The following MAP4K4 variants were observed in gnomAD, a reference collection of about 807,000 sequenced individuals.
MAP4K4 encodes mitogen-activated protein kinase kinase kinase kinase 4.
In MAP4K4, 38 loss-of-function variants were observed where a neutral mutation model predicts 189.6. The ratio of observed to expected loss-of-function variants is 0.20; its 90% CI spans 0.15 to 0.26. The LOEUF is 0.26. MAP4K4 is among the 10% of genes least tolerant of loss of function. The pLI is 1.00. For synonymous variants in MAP4K4, 610 were observed against 624.3 expected (o/e 0.98, Z 0.34); for missense variants, 1,054 against 1,726.9 (o/e 0.61, Z 6.91).
At chr2:101,738,599 A>G (rs182424196) in intron 2 of MAP4K4, among the ~76,000 whole-genome samples, 1 of 152,218 alleles carries the variant, frequency 6.6e-6, no homozygotes, top group East Asian at 1.9e-4. Context: ...TTTTTGGCCC[A>G]GTGATTTTTT....
intron 2 of MAP4K4, among the ~76,000 whole-genome samples, chr2:101,704,355 C>G (rs1306447335): frequency 6.6e-6 from 1 of 151,844 alleles, no homozygotes; most frequent in African/African-American, 2.4e-5. Context: ...AACTGTTTTA[C>G]TAACTCAAAC....
At chr2:101,751,420 T>A (rs552619668) in intron 2 of MAP4K4, among the ~76,000 whole-genome samples, 15 of 152,312 alleles carry the variant, frequency 9.8e-5, no homozygotes, top group African/African-American at 3.6e-4. Flanking sequence ...CAGCTTGTGG[T>A]TGGGAACACA....
chr2:101,857,368 A>T (rs1411981863), intron 13 of MAP4K4, among the ~76,000 whole-genome samples: 1 of 152,102 alleles, frequency 6.6e-6, no homozygotes, highest in Admixed American at 6.6e-5. Context: ...GTTTGTGTAG[A>T]TGCGTGTTGT....
intron 2 of MAP4K4, among the ~76,000 whole-genome samples, chr2:101,777,206 C>G (rs567539409): frequency 1.3e-5 from 2 of 152,322 alleles, no homozygotes; most frequent in East Asian, 3.9e-4. Context: ...ATGGCCCTTT[C>G]TCTATAATCC....
intron 2 of MAP4K4, among the ~76,000 whole-genome samples, chr2:101,757,832 C>T (rs1575003970): frequency 6.6e-6 from 1 of 152,132 alleles, no homozygotes; most frequent in Non-Finnish European, 1.5e-5. Context: ...CCAACCTGAC[C>T]AACATGGTGA....
chr2:101,707,427 T>A (rs1463364872), intron 2 of MAP4K4, among the ~76,000 whole-genome samples: 1 of 152,084 alleles, frequency 6.6e-6, no homozygotes. Context: ...CAGGCTGTTA[T>A]CGAACTCCTG....
chr2:101,703,846 A>G (rs112161923), intron 2 of MAP4K4, among the ~76,000 whole-genome samples: 12,080 of 151,674 alleles, frequency 0.08, 530 homozygotes, highest in Middle Eastern at 0.13. Context: ...CCCCATCTCT[A>G]CTAAAAATAG....
chr2:101,801,223 T>G (rs1337887963), intron 3 of MAP4K4, among the ~76,000 whole-genome samples: 2 of 152,120 alleles, frequency 1.3e-5, no homozygotes, highest in African/African-American at 4.8e-5. Context: ...GAAAAGAATG[T>G]TGTGTTGGAG....
chr2:101,892,744 TAAACCAA>T, exon 33 of MAP4K4: 1 of 373,396 alleles, frequency 2.7e-6, no homozygotes, highest in Non-Finnish European at 5.4e-6. Context: ...TCTGTTTTTT[TAAACCAA>T]TTTTACTTTA....
chr2:101,789,727 G>GT (rs1255822533), intron 2 of MAP4K4, among the ~76,000 whole-genome samples: 4 of 152,206 alleles, frequency 2.6e-5, no homozygotes, highest in African/African-American at 9.6e-5. Context: ...TCACAAAGTT[G>GT]TTAAGTAGAT....
intron 5 of MAP4K4, among the ~76,000 whole-genome samples, 172 bp from the exon 6 acceptor site, chr2:101,829,332 G>T (rs538008695): frequency 6.6e-6 from 1 of 152,308 alleles, no homozygotes; most frequent in African/African-American, 2.4e-5. Context: ...TTCTTTCTGT[G>T]TGTGTGGTAG....
At chr2:101,826,269 A>G (rs2149360541) in intron 5 of MAP4K4, among the ~76,000 whole-genome samples, 1 of 152,320 alleles carries the variant, frequency 6.6e-6, no homozygotes, top group African/African-American at 2.4e-5. Flanking sequence ...TTTAATAAGT[A>G]AAGTTATCCC....
chr2:101,790,827 A>G, intron 3 of MAP4K4, 51 bp downstream of exon 3: 1 of 1,415,140 alleles, frequency 7.1e-7, no homozygotes, highest in Non-Finnish European at 9.9e-7. Context: ...GAAGACAAAG[A>G]TTCCCCCAAC....
chr2:101,728,158 G>A (rs952705908), intron 2 of MAP4K4, among the ~76,000 whole-genome samples: 2 of 152,186 alleles, frequency 1.3e-5, no homozygotes, highest in African/African-American at 4.8e-5. Flanking sequence ...CTCTTGAAGC[G>A]TGGATCCCAA....
At chr2:101,843,275 C>G (rs984244768) in intron 11 of MAP4K4, among the ~76,000 whole-genome samples, 8 of 152,088 alleles carry the variant, frequency 5.3e-5, no homozygotes, top group Non-Finnish European at 1.2e-4. Context: ...ATGAAGTGAA[C>G]AAAGGGAGGG....
At chr2:101,703,481 G>C (rs947212462) in intron 2 of MAP4K4, among the ~76,000 whole-genome samples, 20 of 151,870 alleles carry the variant, frequency 1.3e-4, no homozygotes, top group Admixed American at 7.2e-4. Context: ...AGCCAGGCGT[G>C]GTGGTGTACG....
intron 2 of MAP4K4, among the ~76,000 whole-genome samples, chr2:101,774,345 A>G (rs1558856193): frequency 2.0e-5 from 3 of 152,162 alleles, no homozygotes; most frequent in African/African-American, 7.2e-5. Flanking sequence ...CTTGTGTGCC[A>G]TTTGTATGTC....
chr2:101,771,571 A>G (rs754373059), intron 2 of MAP4K4, among the ~76,000 whole-genome samples: 2 of 152,008 alleles, frequency 1.3e-5, no homozygotes, highest in African/African-American at 2.4e-5. Context: ...GAGAAGGGGG[A>G]GGATTTTTTC....
At chr2:101,767,726 A>C (rs1466851682) in intron 2 of MAP4K4, among the ~76,000 whole-genome samples, 1 of 152,184 alleles carries the variant, frequency 6.6e-6, no homozygotes, top group Non-Finnish European at 1.5e-5. Context: ...CCTCGCAGAG[A>C]GAGATGCTCC....
Sources: gnomAD v4.1 joint callset for allele counts (sites outside exome capture counted in the v4.1 genomes callset) on GRCh38, gnomAD v4.1.1 for gene constraint, MANE v1.5 for transcripts, NCBI Gene and HGNC (gene_info 2026-07-23, HGNC 2026-07-21) for gene names.